The following COBL variants were observed in gnomAD, a reference collection of about 807,000 sequenced individuals.
The protein encoded by COBL is protein cordon-bleu.
A neutral mutation model predicts 98.8 loss-of-function variants in COBL; 51 were observed. That is an observed-to-expected ratio of 0.52 (90% CI 0.41 to 0.65). The LOEUF is 0.65. COBL is among the 30% of genes least tolerant of loss of function. COBL has a pLI of 0.00. For synonymous variants in COBL, 634 were observed against 651.7 expected, an observed-to-expected ratio of 0.97 and a Z score of 0.41; for missense variants, 1,617 against 1,617.5, an observed-to-expected ratio of 1.00 and a Z score of 0.01.
intron 1 of COBL, among the ~76,000 whole-genome samples, chr7:51,254,068 G>GT (rs1455779303): frequency 2.0e-4 from 26 of 130,768 alleles, no homozygotes; most frequent in African/African-American, 6.3e-4. Flanking sequence ...TCCTTTTTGA[G>GT]TTGTTTTTTT....
intron 1 of COBL, among the ~76,000 whole-genome samples, chr7:51,265,102 C>A (rs1399632712): frequency 2.6e-5 from 4 of 152,184 alleles, no homozygotes; most frequent in African/African-American, 9.7e-5. Flanking sequence ...ACTTCTGATG[C>A]CCCACTCAAG....
At chr7:51,078,388 A>C (rs1793296375) in intron 7 of COBL, among the ~76,000 whole-genome samples, 1 of 152,188 alleles carries the variant, frequency 6.6e-6, no homozygotes, top group African/African-American at 2.4e-5. Context: ...GGGGAAGCTG[A>C]CCCCAAAGAT....
At chr7:51,094,077 A>G (rs1795065331) in intron 6 of COBL, among the ~76,000 whole-genome samples, 1 of 151,932 alleles carries the variant, frequency 6.6e-6, no homozygotes, top group Admixed American at 6.6e-5. Context: ...GTGATTTGTG[A>G]CATCATGGGT....
At chr7:51,293,151 C>CTTTGT (rs1801074582) in intron 1 of COBL, among the ~76,000 whole-genome samples, 1 of 152,146 alleles carries the variant, frequency 6.6e-6, no homozygotes. Flanking sequence ...TGTTTGTTTG[C>CTTTGT]TTTGTTTTGT....
At chr7:51,103,021 T>C (rs1287215995) in intron 6 of COBL, among the ~76,000 whole-genome samples, 2 of 152,174 alleles carry the variant, frequency 1.3e-5, no homozygotes, top group Non-Finnish European at 2.9e-5. Context: ...TCTTGTGCAT[T>C]TCACACTTTG....
intron 6 of COBL, among the ~76,000 whole-genome samples, chr7:51,120,559 CATT>C (rs1190286683): frequency 6.6e-6 from 1 of 152,194 alleles, no homozygotes; most frequent in Non-Finnish European, 1.5e-5. Context: ...AGTACATTCA[CATT>C]GTTGTGCCAC....
intron 4 of COBL, chr7:51,188,032 C>T (rs373279105): frequency 1.7e-6 from 2 of 1,144,678 alleles, no homozygotes; most frequent in Non-Finnish European, 2.2e-6. Context: ...AGGCCTTGGC[C>T]CTCACAAGCC....
intron 7 of COBL, among the ~76,000 whole-genome samples, chr7:51,045,323 C>G (rs1201694268): frequency 6.6e-6 from 1 of 152,184 alleles, no homozygotes; most frequent in Non-Finnish European, 1.5e-5. Flanking sequence ...TAAGTGGGTG[C>G]CTGAATGTGA....
At chr7:51,090,546 G>A (rs1794715944) in intron 6 of COBL, among the ~76,000 whole-genome samples, 1 of 152,166 alleles carries the variant, frequency 6.6e-6, no homozygotes, top group Non-Finnish European at 1.5e-5. Flanking sequence ...CGACTGACTG[G>A]GAGCACTGAT....
At chr7:51,069,450 G>C (rs1179195403) in intron 7 of COBL, among the ~76,000 whole-genome samples, 1 of 152,260 alleles carries the variant, frequency 6.6e-6, no homozygotes, top group African/African-American at 2.4e-5. Flanking sequence ...CTGTGGGATT[G>C]GTGGGCTCCG....
At chr7:51,074,240 G>A (rs1309919388) in intron 7 of COBL, among the ~76,000 whole-genome samples, 1 of 130,544 alleles carries the variant, frequency 7.7e-6, no homozygotes, top group African/African-American at 2.8e-5. Flanking sequence ...TCTGTTGCCA[G>A]GCTAGAGTGC....
At chr7:51,171,914 G>A (rs1002236903) in intron 5 of COBL, among the ~76,000 whole-genome samples, 1 of 152,146 alleles carries the variant, frequency 6.6e-6, no homozygotes, top group Non-Finnish European at 1.5e-5. Context: ...ATTTTTAATA[G>A]GTGATAGTAA....
intron 5 of COBL, among the ~76,000 whole-genome samples, chr7:51,157,263 C>G (rs960473058): frequency 5.3e-5 from 8 of 152,196 alleles, no homozygotes; most frequent in Admixed American, 3.3e-4. Flanking sequence ...ATCCCAGCTA[C>G]CTGGGAGGCT....
intron 1 of COBL, among the ~76,000 whole-genome samples, chr7:51,237,708 G>A (rs986398223): frequency 1.4e-4 from 21 of 152,184 alleles, no homozygotes; most frequent in African/African-American, 3.1e-4. Context: ...GTCATGGTCC[G>A]TTAAAAACAA....
intron 2 of COBL, among the ~76,000 whole-genome samples, chr7:51,206,503 A>AAAAAAAAAG (rs1253380401): frequency 6.6e-6 from 1 of 152,038 alleles, no homozygotes; most frequent in East Asian, 1.9e-4. Flanking sequence ...AAAAAAAAAA[A>AAAAAAAAAG]AAAGAAAGAA....
chr7:51,025,164 C>T lies in COBL; in HGVS notation c.3713G>A (p.Arg1238Lys). 6.3e-7 allele frequency: 1 copy of T among 1,575,566 alleles called. No individual in the cohort carries two copies. The highest frequency in any genetic ancestry group is 8.6e-7 in the Non-Finnish European group (1 of 1,157,096). ...GCGGATGGCGTCCATCAAGGCTTGCCTTGCGTCTGCGGTGTTGCTGAGGGT... is the reference window on the plus strand; with the variant it reads ...GCGGATGGCGTCCATCAAGGCTTGCTTTGCGTCTGCGGTGTTGCTGAGGGT... ...TGTLSNTADA[R>K]QALMDAIRSG... The change falls in exon 12 of 13, where the codon AGG (arginine) becomes AAG (lysine). Residue 1238 changes from arginine to lysine, a missense_variant. Physicochemically the swap from Arg to Lys is conservative, Grantham distance 26. Coordinates refer to ENST00000265136, the MANE Select transcript of COBL (RefSeq NM_015198.5).
At chr7:51,307,180 A>G (rs924293475) in intron 1 of COBL, among the ~76,000 whole-genome samples, 1 of 152,166 alleles carries the variant, frequency 6.6e-6, no homozygotes, top group Admixed American at 6.5e-5. Context: ...CCCCGGCTCT[A>G]CTAAAAATAC....
At chr7:51,043,279 A>G in intron 8 of COBL, 104 bp downstream of exon 8, 2 of 1,141,972 alleles carry the variant, frequency 1.8e-6, no homozygotes, top group Non-Finnish European at 2.5e-6. Flanking sequence ...CCTGGTGCAG[A>G]GCAGGTTGTG....
At chr7:51,303,112 G>A (rs966138499) in intron 1 of COBL, among the ~76,000 whole-genome samples, 5 of 152,148 alleles carry the variant, frequency 3.3e-5, no homozygotes, top group African/African-American at 7.2e-5. Context: ...ATGTTTCCCC[G>A]AGCCTCATGA....
Sources: gnomAD v4.1 joint callset for allele counts (sites outside exome capture counted in the v4.1 genomes callset) on GRCh38, gnomAD v4.1.1 for gene constraint, MANE v1.5 for transcripts, NCBI Gene and HGNC (gene_info 2026-07-23, HGNC 2026-07-21) for gene names.